OSBPL9: variants seen among roughly 807,000 people sequenced by gnomAD.
OSBPL9 encodes oxysterol-binding protein-related protein 9.
OSBPL9 carries 40 observed loss-of-function variants against 106.6 expected under a neutral mutation model. That is an observed-to-expected ratio of 0.38 (90% CI 0.29 to 0.49). The LOEUF is 0.49. OSBPL9 is among the 20% of genes least tolerant of loss of function. The probability of loss-of-function intolerance (pLI) is 0.97; values close to 1 mark genes in which losing one functional copy is unlikely to be tolerated. For synonymous variants in OSBPL9, 269 were observed against 295.4 expected (o/e 0.91, Z 0.92); for missense variants, 609 against 887.2 (o/e 0.69, Z 3.98).
At chr1:51,592,816 C>G (rs547847036) in intron 1 of OSBPL9, among the ~76,000 whole-genome samples, 12 of 152,260 alleles carry the variant, frequency 7.9e-5, no homozygotes, top group Non-Finnish European at 1.3e-4. Flanking sequence ...ATTTACTCCC[C>G]CATTGGACAA....
chr1:51,530,089 T>C, the OSBPL9 span, among the ~76,000 whole-genome samples: 1 of 140,828 alleles, frequency 7.1e-6, no homozygotes, highest in Non-Finnish European at 1.5e-5. Flanking sequence ...GAGAATGGCA[T>C]GAACCTGGGA....
chr1:51,638,088 G>A (rs894458766), intron 1 of OSBPL9, among the ~76,000 whole-genome samples: 4 of 152,110 alleles, frequency 2.6e-5, no homozygotes, highest in Non-Finnish European at 1.5e-5. Flanking sequence ...TTAAGGGAAG[G>A]CAGCCTTGTT....
At chr1:51,691,762 AGTTT>A (rs1655015611) in intron 3 of OSBPL9, among the ~76,000 whole-genome samples, 1 of 151,622 alleles carries the variant, frequency 6.6e-6, no homozygotes, top group African/African-American at 2.4e-5. Flanking sequence ...TATGTTTTAA[AGTTT>A]GTTTTTTTTT....
chr1:51,735,556 T>C (rs1358068659), intron 4 of OSBPL9, among the ~76,000 whole-genome samples: 4 of 152,264 alleles, frequency 2.6e-5, no homozygotes, highest in Admixed American at 1.3e-4. Flanking sequence ...GCTTTTCTGA[T>C]AACATTTTAC....
chr1:51,785,208 C>A (rs1213175076), intron 20 of OSBPL9: 1 of 155,338 alleles, frequency 6.4e-6, no homozygotes, highest in Non-Finnish European at 1.4e-5. Flanking sequence ...GGTCATGTCT[C>A]CCTTTTCTGG....
chr1:51,691,273 C>CTTTTTTTTT (rs1005953851), intron 3 of OSBPL9, among the ~76,000 whole-genome samples: 7 of 108,950 alleles, frequency 6.4e-5, no homozygotes, highest in East Asian at 5.5e-4. Context: ...CTTGCTGTAA[C>CTTTTTTTTT]TTTTTTTTTT....
At chr1:51,772,859 G>A (rs1674242342) in intron 14 of OSBPL9, 136 bp downstream of exon 14, 4 of 692,982 alleles carry the variant, frequency 5.8e-6, no homozygotes, top group South Asian at 1.7e-5. Flanking sequence ...TAATATAGAT[G>A]TAGATAAGTA....
At chr1:51,719,443 T>A (rs1661657207) in intron 4 of OSBPL9, among the ~76,000 whole-genome samples, 2 of 151,920 alleles carry the variant, frequency 1.3e-5, no homozygotes, top group Admixed American at 1.3e-4. Flanking sequence ...ACTTTTCAGA[T>A]TCTTTTTTTT....
At chr1:51,701,860 G>T (rs1008382083) in intron 3 of OSBPL9, among the ~76,000 whole-genome samples, 2 of 151,846 alleles carry the variant, frequency 1.3e-5, no homozygotes, top group African/African-American at 4.8e-5. Context: ...ATGTGTTCTC[G>T]TTGTTCAATT....
chr1:51,518,363 T>G, the OSBPL9 span: 1 of 152,422 alleles, frequency 6.6e-6, no homozygotes, highest in Non-Finnish European at 1.5e-5. Context: ...CCAAGAAAAG[T>G]GCTCCCCGGG....
intron 1 of OSBPL9, among the ~76,000 whole-genome samples, chr1:51,592,686 T>C (rs1310127427): frequency 6.6e-6 from 1 of 152,190 alleles, no homozygotes; most frequent in Non-Finnish European, 1.5e-5. Context: ...TTCCTGGACA[T>C]AGTGCTGGAT....
intron 1 of OSBPL9, among the ~76,000 whole-genome samples, chr1:51,578,401 G>A (rs1645199011): frequency 6.6e-6 from 1 of 152,134 alleles, no homozygotes; most frequent in Non-Finnish European, 1.5e-5. Context: ...AAAACAAGGA[G>A]GCTCTCTTTT....
At chr1:51,530,577 A>G in the OSBPL9 span, among the ~76,000 whole-genome samples, 5 of 151,854 alleles carry the variant, frequency 3.3e-5, no homozygotes, top group African/African-American at 4.8e-5. Flanking sequence ...ACATATCAAG[A>G]CCGTCTCTTA....
chr1:51,718,770 G>A (rs899329484), intron 4 of OSBPL9, among the ~76,000 whole-genome samples: 11 of 152,086 alleles, frequency 7.2e-5, no homozygotes, highest in South Asian at 2.1e-4. Context: ...AATCAGTATC[G>A]AATTATAGCC....
intron 2 of OSBPL9, among the ~76,000 whole-genome samples, chr1:51,664,773 G>A (rs1648029327): frequency 6.6e-6 from 1 of 152,150 alleles, no homozygotes; most frequent in African/African-American, 2.4e-5. Context: ...ATTTATCTTT[G>A]GAATGGAGGG....
rs962149826 is a variant in OSBPL9, at chr1:51,765,730, T to C, written c.779-92T>C. On this transcript the variant is annotated intron_variant, in intron 11 of 23. Transcript: ENST00000428468. The stretch of plus-strand genomic sequence containing the variant: ...ACTTTTACAAACTTAACCAAACTCT[T>C]TTTTGATTTTAGAAAAGTCTGCTTT... 2.4e-6 allele frequency: 3 copies of C among 1,238,380 alleles called. No homozygotes were observed. The African/African-American group carries it at 4.6e-5, about 19-fold the overall frequency. 76.7% of individuals were successfully genotyped at this position (1,238,380 alleles called of 1,614,324 possible).
intron 8 of OSBPL9, among the ~76,000 whole-genome samples, chr1:51,753,910 A>G (rs967976563): frequency 6.6e-6 from 1 of 152,136 alleles, no homozygotes; most frequent in African/African-American, 2.4e-5. Flanking sequence ...TCACCTGGGT[A>G]TTGGGATTAT....
intron 4 of OSBPL9, among the ~76,000 whole-genome samples, chr1:51,728,748 TCCCTCCTTCC>T: frequency 1.3e-5 from 2 of 152,066 alleles, no homozygotes; most frequent in East Asian, 3.9e-4. Context: ...CCTCGAATCC[TCCCTCCTTCC>T]CCCGCCTCTC....
chr1:51,602,600 A>AT (rs200903727), intron 2 of OSBPL9, among the ~76,000 whole-genome samples: 9 of 150,222 alleles, frequency 6.0e-5, no homozygotes, highest in African/African-American at 1.5e-4. Flanking sequence ...TTAAAAAAAA[A>AT]TTTTTTTTTG....
Sources: gnomAD v4.1 joint callset for allele counts (sites outside exome capture counted in the v4.1 genomes callset) on GRCh38, gnomAD v4.1.1 for gene constraint, MANE v1.5 for transcripts, NCBI Gene and HGNC (gene_info 2026-07-23, HGNC 2026-07-21) for gene names.